PPP6R3: variants seen among roughly 807,000 people sequenced by gnomAD.
The protein encoded by PPP6R3 is protein phosphatase 6 regulatory subunit 3.
In PPP6R3, 38 loss-of-function variants were observed where a neutral mutation model predicts 110.7. That is an observed-to-expected ratio of 0.34 (90% CI 0.26 to 0.45). The LOEUF (loss-of-function observed/expected upper bound fraction) is 0.45. PPP6R3 is among the 20% of genes least tolerant of loss of function. The probability of loss-of-function intolerance (pLI) is 1.00; values close to 1 mark genes in which losing one functional copy is unlikely to be tolerated. For missense variants in PPP6R3, 870 were observed against 1,062.4 expected (o/e 0.82, Z 2.52); for synonymous variants, 369 against 373.5 (o/e 0.99, Z 0.14).
At chr11:68,591,357 T>C (rs1359820174) in intron 17 of PPP6R3, among the ~76,000 whole-genome samples, 1 of 152,216 alleles carries the variant, frequency 6.6e-6, no homozygotes, top group Non-Finnish European at 1.5e-5. Context: ...TCTATGCTTC[T>C]TTTTGCTAGT....
intron 18 of PPP6R3, among the ~76,000 whole-genome samples, chr11:68,593,267 C>A (rs747970091): frequency 2.6e-5 from 4 of 152,112 alleles, no homozygotes; most frequent in Non-Finnish European, 5.9e-5. Flanking sequence ...TAAATGAAAT[C>A]AATACATTAT....
intron 13 of PPP6R3, among the ~76,000 whole-genome samples, chr11:68,575,159 A>T (rs1263269292): frequency 1.3e-5 from 2 of 152,206 alleles, no homozygotes; most frequent in Non-Finnish European, 2.9e-5. Context: ...TGGCCATGTG[A>T]TATGACTGAG....
chr11:68,604,112 C>A (rs1937979966), intron 22 of PPP6R3, among the ~76,000 whole-genome samples: 1 of 152,206 alleles, frequency 6.6e-6, no homozygotes, highest in African/African-American at 2.4e-5. Context: ...AGGAATGCCT[C>A]CCTGCTTATT....
rs981838992 is a variant in PPP6R3 at position 68,614,791 on chromosome 11, G to T, written c.*1674G>T. The T allele has an allele frequency of 1.3e-6, 2 of 1,524,276 alleles. No homozygotes were observed. 94.4% of individuals were successfully genotyped at this position (1,524,276 alleles called of 1,614,324 possible). On this transcript the variant is annotated 3_prime_UTR_variant, in exon 24 of 24. Transcript: ENST00000393800. ...GACTGTCCTTGGGCCTCCTCTGGAA[G>T]CAGCACCCCCAGAGGACAGGGCTCC...
chr11:68,571,420 A>G (rs2099506173), intron 12 of PPP6R3, among the ~76,000 whole-genome samples: 1 of 152,188 alleles, frequency 6.6e-6, no homozygotes, highest in South Asian at 2.1e-4. Flanking sequence ...TAAGTCCTTG[A>G]TGATGTGACT....
chr11:68,473,366 G>C (rs902142410), intron 1 of PPP6R3, among the ~76,000 whole-genome samples: 1 of 152,244 alleles, frequency 6.6e-6, no homozygotes, highest in East Asian at 1.9e-4. Context: ...GGAGGGTGGT[G>C]TGCCCATAGA....
chr11:68,564,117 G>A (rs1261951794), intron 8 of PPP6R3, among the ~76,000 whole-genome samples, 186 bp from the exon 9 acceptor site: 2 of 152,140 alleles, frequency 1.3e-5, no homozygotes, highest in Non-Finnish European at 2.9e-5. Flanking sequence ...TGGGTTGCAG[G>A]TTATAGAGTC....
intron 1 of PPP6R3, among the ~76,000 whole-genome samples, chr11:68,479,207 G>T (rs2153365833): frequency 6.6e-6 from 1 of 152,292 alleles, no homozygotes; most frequent in South Asian, 2.1e-4. Context: ...ATAATGCGTG[G>T]AGGGTAACTA....
At chr11:68,603,649 T>C (rs2099638528) in intron 22 of PPP6R3, 157 bp downstream of exon 22, 1 of 966,344 alleles carries the variant, frequency 1.0e-6, no homozygotes, top group Admixed American at 2.6e-5. Context: ...TAAATCTTAA[T>C]GAAGAGATGG....
chr11:68,613,368 C>A lies in PPP6R3; in HGVS notation c.*251C>A. 2 of 1,202,120 alleles carry A rather than the reference C, an allele frequency of 1.7e-6. No homozygotes were observed. Among genetic ancestry groups the A allele is most frequent in the Non-Finnish European group, 1.0e-6 (1 of 968,266 alleles). The allele number at this position is 1,202,120 out of a possible 1,614,324, so 74.5% of individuals were successfully genotyped here. On this transcript the variant is annotated 3_prime_UTR_variant, in exon 24 of 24. Coordinates refer to ENST00000393800, the MANE Select transcript of PPP6R3 (RefSeq NM_001164161.2). ...TTGTATTGTTCTAAATAATGGGTAGCCTGTGAAATAAGATCTTGCCACCCA... is the reference window on the plus strand; with the variant it reads ...TTGTATTGTTCTAAATAATGGGTAGACTGTGAAATAAGATCTTGCCACCCA...
intron 2 of PPP6R3, among the ~76,000 whole-genome samples, chr11:68,524,037 TG>T (rs1426895835): frequency 6.6e-6 from 1 of 152,144 alleles, no homozygotes; most frequent in Non-Finnish European, 1.5e-5. Flanking sequence ...TTATATCCAA[TG>T]GATTTTGAGA....
chr11:68,476,139 C>A (rs918612860), intron 1 of PPP6R3, among the ~76,000 whole-genome samples: 68 of 152,288 alleles, frequency 4.5e-4, no homozygotes, highest in Non-Finnish European at 8.8e-4. Flanking sequence ...TGTAGCTAGC[C>A]GAGATCACGC....
intron 15 of PPP6R3, 192 bp from the exon 16 acceptor site, chr11:68,587,735 C>T: frequency 1.5e-6 from 1 of 664,632 alleles, no homozygotes; most frequent in East Asian, 2.8e-5. Flanking sequence ...GATTTGTAGA[C>T]CAAATTTCAA....
At chr11:68,544,094 A>AGTTTT (rs988697961) in intron 3 of PPP6R3, among the ~76,000 whole-genome samples, 1 of 152,114 alleles carries the variant, frequency 6.6e-6, no homozygotes, top group Non-Finnish European at 1.5e-5. Flanking sequence ...GGAGAGCACT[A>AGTTTT]GTTTTGTTTT....
In PPP6R3 at chr11:68,574,153, G is replaced by A; in HGVS notation, c.1388G>A (p.Arg463Lys). The A allele has an allele frequency of 3.1e-6, 5 of 1,614,066 alleles. No homozygotes were observed. The highest frequency in any genetic ancestry group is 2.2e-5 in the South Asian group (2 of 91,084). ...CATGGTTACATGGGACACCTAACGAGGATAGCTAACTGTATCGTGCACAGC... is the reference window on the plus strand; with the variant it reads ...CATGGTTACATGGGACACCTAACGAAGATAGCTAACTGTATCGTGCACAGC... ...RRHGYMGHLT[R>K]IANCIVHSTD... The change falls in exon 13 of 24, where the codon AGG (arginine) becomes AAG (lysine). Residue 463 changes from arginine (R) to lysine (K), a missense_variant. Transcript: ENST00000393800.
At chr11:68,549,917 G>A (rs1291283048) in intron 5 of PPP6R3, among the ~76,000 whole-genome samples, 2 of 152,214 alleles carry the variant, frequency 1.3e-5, no homozygotes, top group Non-Finnish European at 2.9e-5. Flanking sequence ...AGGTGCCTGT[G>A]AATAGCTGTG....
In PPP6R3 at chr11:68,613,306, C is replaced by T; in HGVS notation, c.*189C>T. 1.5e-6 allele frequency: 2 copies of T among 1,336,480 alleles called. No individual in the cohort carries two copies. Among genetic ancestry groups the T allele is most frequent in the South Asian group, 2.1e-5 (1 of 48,376 alleles). 82.8% of individuals were successfully genotyped at this position (1,336,480 alleles called of 1,614,324 possible). On this transcript the variant is annotated 3_prime_UTR_variant, in exon 24 of 24. Coordinates refer to ENST00000393800, the MANE Select transcript of PPP6R3 (RefSeq NM_001164161.2). ...AATTCAGAAGTGTAAAAATATTGCACATTGACAAATACCAAGAATTTTTGC... is the reference window on the plus strand; with the variant it reads ...AATTCAGAAGTGTAAAAATATTGCATATTGACAAATACCAAGAATTTTTGC...
intron 1 of PPP6R3, among the ~76,000 whole-genome samples, chr11:68,461,406 G>A (rs990554102): frequency 6.8e-6 from 1 of 148,040 alleles, no homozygotes; most frequent in Non-Finnish European, 1.5e-5. Flanking sequence ...GAGGCTCCCA[G>A]TACCCTTCCC....
chr11:68,475,014 A>G (rs932976092), intron 1 of PPP6R3, among the ~76,000 whole-genome samples: 7 of 152,096 alleles, frequency 4.6e-5, no homozygotes, highest in African/African-American at 1.7e-4. Flanking sequence ...GTCAACATAC[A>G]AACAAGTGAA....
Sources: gnomAD v4.1 joint callset for allele counts (sites outside exome capture counted in the v4.1 genomes callset) on GRCh38, gnomAD v4.1.1 for gene constraint, MANE v1.5 for transcripts, NCBI Gene and HGNC (gene_info 2026-07-23, HGNC 2026-07-21) for gene names.